KAZN: variants seen among roughly 807,000 people sequenced by gnomAD.
KAZN encodes kazrin, periplakin interacting protein.
In KAZN, 40 loss-of-function variants were observed where a neutral mutation model predicts 87.4. That is an observed-to-expected ratio of 0.46 (90% CI 0.36 to 0.60). The LOEUF is 0.60. Ranked by LOEUF, KAZN falls within the 20% of genes least tolerant of loss-of-function variation. KAZN has a pLI of 0.00. For missense variants in KAZN, 898 were observed against 1,073.9 expected, an observed-to-expected ratio of 0.84 and a Z score of 2.29; for synonymous variants, 466 against 458.3, an observed-to-expected ratio of 1.02 and a Z score of -0.22.
At chr1:14,107,887 C>A (rs1006347760) in intron 1 of KAZN, among the ~76,000 whole-genome samples, 1 of 152,186 alleles carries the variant, frequency 6.6e-6, no homozygotes, top group Non-Finnish European at 1.5e-5. Flanking sequence ...ACCTGGCCCA[C>A]CTTGTCACAC....
chr1:14,939,639 C>G (rs576439019), intron 1 of KAZN, among the ~76,000 whole-genome samples: 3 of 151,714 alleles, frequency 2.0e-5, no homozygotes, highest in Non-Finnish European at 2.9e-5. Flanking sequence ...GGACGTGCCT[C>G]TTGCATAGGG....
chr1:14,960,944 TGCAGGGGAAGTGAC>T (rs1663784627), intron 2 of KAZN, 69 bp downstream of exon 2: 1 of 1,477,914 alleles, frequency 6.8e-7, no homozygotes, highest in Non-Finnish European at 9.1e-7. Flanking sequence ...GTCCTCCCCA[TGCAGGGGAAGTGAC>T]GCAGATGGAC....
chr1:14,306,121 A>G (rs780339247), intron 2 of KAZN, among the ~76,000 whole-genome samples: 3 of 152,204 alleles, frequency 2.0e-5, no homozygotes, highest in Non-Finnish European at 4.4e-5. Context: ...GAAGGCAGAC[A>G]TCGTTAATGG....
At chr1:14,597,955 C>T (rs147749503), upstream of KAZN, among the ~76,000 whole-genome samples, 863 of 152,236 alleles carry the variant, frequency 5.7e-3, 5 homozygotes, top group African/African-American at 0.019. Context: ...CTCTTCTGCT[C>T]CCAGTAGAAG....
chr1:13,979,208 C>T (rs908262567), intron 1 of KAZN, among the ~76,000 whole-genome samples: 8 of 151,942 alleles, frequency 5.3e-5, no homozygotes, highest in African/African-American at 1.2e-4. Context: ...GGGGGAAACC[C>T]GTCCCCCAAA....
At chr1:14,626,239 T>C (rs771764408) in intron 1 of KAZN, among the ~76,000 whole-genome samples, 6 of 152,228 alleles carry the variant, frequency 3.9e-5, no homozygotes, top group Non-Finnish European at 7.3e-5. Context: ...TGTCAATCAA[T>C]GACACTGTTA....
chr1:13,936,460 T>C (rs1353776249), intron 1 of KAZN, among the ~76,000 whole-genome samples: 2 of 152,156 alleles, frequency 1.3e-5, no homozygotes, highest in Non-Finnish European at 2.9e-5. Context: ...GAGATTTTAA[T>C]GTATCCATCA....
intron 2 of KAZN, among the ~76,000 whole-genome samples, chr1:14,533,799 C>T (rs781055954): frequency 2.0e-5 from 3 of 152,024 alleles, no homozygotes; most frequent in Admixed American, 2.0e-4. Context: ...TATATTTTAC[C>T]GACATTTTTG....
chr1:14,824,534 G>A lies in KAZN; in HGVS notation c.227-136150G>A, dbSNP rs72638324. Among the ~76,000 whole-genome samples, 703 of 152,308 alleles carry A rather than the reference G, an allele frequency of 4.6e-3. 2 individuals are homozygous for A. Among genetic ancestry groups the A allele is most frequent in the Non-Finnish European group, 7.5e-3 (512 of 68,018 alleles). On this transcript the variant is annotated intron_variant, in intron 1 of 14. Coordinates refer to ENST00000376030, the MANE Select transcript of KAZN (RefSeq NM_201628.3). ...GCAAAGCAGGGAGGAAATGACACAG[G>A]TTTCAGAGTCCAAGGAGCGACGCTT...
intron 1 of KAZN, among the ~76,000 whole-genome samples, chr1:14,918,675 CAAAAAAAAAAAAAAAAAAA>C (rs1158537283): frequency 4.3e-4 from 16 of 37,054 alleles, no homozygotes; most frequent in African/African-American, 1.2e-3. Flanking sequence ...GACTCCATCT[CAAAAAAAAAAAAAAAAAAA>C]AAAAAAAAAA....
intron 2 of KAZN, among the ~76,000 whole-genome samples, chr1:14,534,501 C>G (rs894739167): frequency 7.2e-5 from 11 of 152,036 alleles, no homozygotes; most frequent in Non-Finnish European, 1.3e-4. Flanking sequence ...AAAAATTAGC[C>G]AGGCGTGGTG....
Position 15,093,509 on chromosome 1 carries a change from G to A in KAZN, c.1223-671G>A, listed in dbSNP as rs566765964. On this transcript the variant is annotated intron_variant, in intron 8 of 14. Transcript: ENST00000376030. ...ACACAGTTTCATGTAAGAGGGGGGCGGGGGAAAATAATCATTCGTGCCTTT... is the reference window on the plus strand; with the variant it reads ...ACACAGTTTCATGTAAGAGGGGGGCAGGGGAAAATAATCATTCGTGCCTTT... 5.3e-5 allele frequency among the ~76,000 whole-genome samples: 8 copies of A among 152,156 alleles called. No individual in the cohort carries two copies. The East Asian group carries it at 5.8e-4, about 11-fold the overall frequency.
At chr1:14,123,164 T>C (rs547126707) in intron 1 of KAZN, among the ~76,000 whole-genome samples, 28 of 152,358 alleles carry the variant, frequency 1.8e-4, no homozygotes, top group Admixed American at 1.7e-3. Context: ...TCCATGGTTG[T>C]GTTTCCATTG....
In KAZN at chr1:14,820,010, GA is replaced by G. The variant is rs1034336081; in HGVS notation, c.227-140666del. Reference sequence around the variant, plus strand: ...AGGCATAAGCCACTGTGCCTGGCCCGAAAAAAAATCTATTTATATATATATA... The same window carrying G: ...AGGCATAAGCCACTGTGCCTGGCCCGAAAAAAATCTATTTATATATATATA... On this transcript the variant is annotated intron_variant, in intron 1 of 14. Coordinates refer to ENST00000376030, the MANE Select transcript of KAZN (RefSeq NM_201628.3). This position sits in a 1 kb window ranked among gnomAD's most constrained non-coding sequence, Gnocchi z 4.1. 4.6e-5 allele frequency among the ~76,000 whole-genome samples: 7 copies of G among 151,472 alleles called. No homozygotes were observed. In the East Asian group the frequency reaches 5.8e-4, roughly 13 times the overall value.
intron 1 of KAZN, among the ~76,000 whole-genome samples, chr1:14,142,046 T>C (rs945383073): frequency 6.6e-6 from 1 of 152,104 alleles, no homozygotes; most frequent in Non-Finnish European, 1.5e-5. Flanking sequence ...TTATCTACTG[T>C]AGAAGCAAGG....
chr1:14,330,804 T>C (rs1656799886), intron 2 of KAZN, among the ~76,000 whole-genome samples: 1 of 152,164 alleles, frequency 6.6e-6, no homozygotes, highest in East Asian at 1.9e-4. Flanking sequence ...ATAGGAACAC[T>C]ATGGAACCAT....
At position 14,927,946 on chromosome 1, in the gene KAZN, C is replaced by A. The variant is rs184350164; in HGVS notation, c.227-32738C>A. Among the ~76,000 whole-genome samples, 466 of 151,710 alleles carry A rather than the reference C, an allele frequency of 3.1e-3. 3 individuals carry two copies. The highest frequency in any genetic ancestry group is 2.2e-3 in the Non-Finnish European group (149 of 68,018). ...TTCTGGGGACCAGTTGTGTCGTGAA[C>A]GAAACAGGATGCCTTGTCTTCATGG... On this transcript the variant is annotated intron_variant, in intron 1 of 14. Coordinates refer to ENST00000376030, the MANE Select transcript of KAZN (RefSeq NM_201628.3).
At chr1:14,082,372 G>A (rs1296519849) in intron 1 of KAZN, among the ~76,000 whole-genome samples, 1 of 152,142 alleles carries the variant, frequency 6.6e-6, no homozygotes, top group African/African-American at 2.4e-5. Flanking sequence ...TGACAAGATA[G>A]TCCAGGCAAG....
chr1:15,060,426 T>C (rs1638695919), intron 6 of KAZN, 124 bp downstream of exon 6: 6 of 1,261,360 alleles, frequency 4.8e-6, no homozygotes, highest in South Asian at 1.3e-5. Flanking sequence ...CTCTGGCGAA[T>C]GCATTTCCTG....
Sources: allele counts gnomAD v4.1 joint callset (sites outside exome capture counted in the v4.1 genomes callset), GRCh38; gene constraint gnomAD v4.1.1; non-coding constraint Gnocchi (gnomAD v3.1); transcripts MANE v1.5; gene names NCBI Gene and HGNC (gene_info 2026-07-23, HGNC 2026-07-21).